SHC3: variants seen among roughly 807,000 people sequenced by gnomAD.
The protein encoded by SHC3 is SHC-transforming protein 3.
Under a neutral mutation model 60.4 loss-of-function variants are expected in SHC3, and 15 were observed. The ratio of observed to expected loss-of-function variants is 0.25; its 90% CI spans 0.17 to 0.38. The LOEUF (loss-of-function observed/expected upper bound fraction) is 0.38, where lower values mean the gene tolerates loss of function less well. Among genes scored for constraint, SHC3 ranks in the 10% least tolerant of loss-of-function variants. The pLI is 1.00. For synonymous variants in SHC3, 294 were observed against 325.9 expected, an observed-to-expected ratio of 0.90 and a Z score of 1.05; for missense variants, 677 against 786.1, an observed-to-expected ratio of 0.86 and a Z score of 1.66.
intron 10 of SHC3, among the ~76,000 whole-genome samples, chr9:89,040,340 C>CA (rs1231170127): frequency 6.6e-6 from 1 of 151,252 alleles, no homozygotes; most frequent in Non-Finnish European, 1.5e-5. Context: ...ATAAAGAACA[C>CA]AGAGTGCTGG....
chr9:89,089,202 C>T (rs575387636), intron 2 of SHC3, among the ~76,000 whole-genome samples: 11 of 152,302 alleles, frequency 7.2e-5, no homozygotes, highest in African/African-American at 2.4e-4. Flanking sequence ...TTATCTCTGA[C>T]CTCTTTCTAT....
At chr9:89,128,438 A>G (rs1826194970) in intron 1 of SHC3, among the ~76,000 whole-genome samples, 2 of 152,186 alleles carry the variant, frequency 1.3e-5, no homozygotes, top group African/African-American at 4.8e-5. Context: ...CTGAGAATGG[A>G]CAGACTACCT....
At chr9:89,063,358 G>A (rs1825123570) in intron 6 of SHC3, among the ~76,000 whole-genome samples, 1 of 152,212 alleles carries the variant, frequency 6.6e-6, no homozygotes, top group African/African-American at 2.4e-5. Flanking sequence ...TCGGTCTTCT[G>A]ACCTCATGAT....
intron 1 of SHC3, among the ~76,000 whole-genome samples, chr9:89,129,829 A>C (rs1013058022): frequency 6.6e-6 from 1 of 152,146 alleles, no homozygotes; most frequent in Non-Finnish European, 1.5e-5. Flanking sequence ...ACCATCAATG[A>C]TAGGAAGAAA....
intron 10 of SHC3, 44 bp downstream of exon 10, chr9:89,041,982 G>T: frequency 6.2e-7 from 1 of 1,610,234 alleles, no homozygotes. Flanking sequence ...AGGATAAAAA[G>T]CAACCTCAAA....
chr9:89,056,358 T>C (rs1824950913), intron 6 of SHC3, among the ~76,000 whole-genome samples: 1 of 152,222 alleles, frequency 6.6e-6, no homozygotes, highest in Admixed American at 6.5e-5. Flanking sequence ...GCCATTCTCC[T>C]GCCTCAGCCT....
rs888307830 is a variant in SHC3 at position 89,018,650 on chromosome 9, TA to T, written c.1657-5076del. The stretch of plus-strand genomic sequence containing the variant: ...TAAACTGTAATTTAAAAATGTTATT[TA>T]AAAAAAACTCTTGATAAAGTAGTTT... On this transcript the variant is annotated intron_variant, in intron 11 of 11. Coordinates refer to ENST00000375835, the MANE Select transcript of SHC3 (RefSeq NM_016848.6). Among the ~76,000 whole-genome samples, 7 of 150,908 alleles carry T rather than the reference TA, an allele frequency of 4.6e-5. No homozygotes were observed. In the East Asian group the frequency reaches 5.8e-4, roughly 12 times the overall value.
chr9:89,136,370 A>G (rs1029441669), intron 1 of SHC3, among the ~76,000 whole-genome samples: 1 of 152,220 alleles, frequency 6.6e-6, no homozygotes. Context: ...CACAAAATAC[A>G]GGTCATAAAG....
intron 1 of SHC3, among the ~76,000 whole-genome samples, chr9:89,138,875 T>C (rs556324199): frequency 1.4e-3 from 220 of 152,260 alleles, no homozygotes; most frequent in African/African-American, 5.0e-3. Flanking sequence ...GGCATCAGTA[T>C]AGTAAGGGTG....
intron 1 of SHC3, among the ~76,000 whole-genome samples, chr9:89,155,988 A>G (rs1411659242): frequency 6.6e-6 from 1 of 152,226 alleles, no homozygotes; most frequent in Non-Finnish European, 1.5e-5. Context: ...ATCTATACCC[A>G]TAGCAAAAAT....
Position 89,038,017 on chromosome 9 carries a change from C to G in SHC3, c.1632G>C (p.Leu544=), listed in dbSNP as rs148359150. ...CCGTGCCTTCTGGGTCCACGAGCAG[C>G]AGGTGCTTGGCCTGGCCATTGTGCA... ...TGMHNGQAKH[L]LLVDPEGTIR... Residue 544 remains leucine (L), a synonymous_variant, in exon 11 of 12, where the codon CTG becomes CTC. Coordinates refer to ENST00000375835, the MANE Select transcript of SHC3 (RefSeq NM_016848.6). The G allele has an allele frequency of 3.3e-5, 53 of 1,611,166 alleles. No individual in the cohort carries two copies. The highest frequency in any genetic ancestry group is 3.4e-6 in the Non-Finnish European group (4 of 1,180,002).
At chr9:89,129,496 G>T (rs1336501599) in intron 1 of SHC3, among the ~76,000 whole-genome samples, 1 of 152,138 alleles carries the variant, frequency 6.6e-6, no homozygotes, top group East Asian at 1.9e-4. Context: ...TATGTTAAGG[G>T]CAGCCAGAGA....
At chr9:89,140,825 A>G (rs1826382690) in intron 1 of SHC3, among the ~76,000 whole-genome samples, 1 of 152,218 alleles carries the variant, frequency 6.6e-6, no homozygotes, top group Non-Finnish European at 1.5e-5. Flanking sequence ...CGGCATTAAC[A>G]GTGGCAAAAA....
chr9:89,038,923 A>G (rs1034836399), intron 10 of SHC3, among the ~76,000 whole-genome samples: 2 of 152,190 alleles, frequency 1.3e-5, no homozygotes, highest in Non-Finnish European at 2.9e-5. Flanking sequence ...GCCTGAGACC[A>G]TACTTGGTTT....
intron 2 of SHC3, among the ~76,000 whole-genome samples, chr9:89,104,182 TAAAC>T (rs1161458801): frequency 6.6e-6 from 1 of 151,068 alleles, no homozygotes; most frequent in Non-Finnish European, 1.5e-5. Context: ...AAAAAAAAAA[TAAAC>T]AGACTCGTTT....
At chr9:89,083,067 C>T (rs1825471274) in intron 2 of SHC3, among the ~76,000 whole-genome samples, 1 of 152,226 alleles carries the variant, frequency 6.6e-6, no homozygotes, top group Admixed American at 6.5e-5. Context: ...TCACCCCACA[C>T]AAGGTAGCAG....
chr9:89,154,205 CT>C lies in SHC3; in HGVS notation c.474+23781del, dbSNP rs113595933. The stretch of plus-strand genomic sequence containing the variant: ...TGAGATTTTTTTGTGTGTGATTTTT[CT>C]TTTTTTTTTTAGCTCATCAGCTATC... On this transcript the variant is annotated intron_variant, in intron 1 of 11. Coordinates refer to ENST00000375835, the MANE Select transcript of SHC3 (RefSeq NM_016848.6). Among the ~76,000 whole-genome samples, 582 of 145,078 alleles carry C rather than the reference CT, an allele frequency of 4.0e-3. 3 individuals are homozygous for C. The highest frequency in any genetic ancestry group is 0.01 in the African/African-American group (405 of 40,052).
chr9:89,161,168 G>A (rs972940817), intron 1 of SHC3, among the ~76,000 whole-genome samples: 3 of 152,108 alleles, frequency 2.0e-5, no homozygotes, highest in African/African-American at 7.2e-5. Flanking sequence ...TTGGAGGTGG[G>A]GCCTCGTAGG....
chr9:89,048,020 C>A (rs1461699660), intron 7 of SHC3, among the ~76,000 whole-genome samples: 1 of 152,006 alleles, frequency 6.6e-6, no homozygotes, highest in Non-Finnish European at 1.5e-5. Flanking sequence ...CCAAGGCGGG[C>A]AGATCATGAG....
Sources: allele counts gnomAD v4.1 joint callset (sites outside exome capture counted in the v4.1 genomes callset), GRCh38; gene constraint gnomAD v4.1.1; transcripts MANE v1.5; gene names NCBI Gene and HGNC (gene_info 2026-07-23, HGNC 2026-07-21).